The following ILRUN variants were observed in gnomAD, a reference collection of about 807,000 sequenced individuals.
ILRUN encodes inflammation and lipid regulator with UBA-like and NBR1-like domains.
In ILRUN, 3 loss-of-function variants were observed where a neutral mutation model predicts 33.8. The observed-to-expected ratio is 0.09, with a 90% CI of 0.04 to 0.23. The LOEUF (loss-of-function observed/expected upper bound fraction) is 0.23. Among genes scored for constraint, ILRUN ranks in the 10% least tolerant of loss-of-function variants. ILRUN has a pLI of 1.00. For synonymous variants in ILRUN, 124 were observed against 138.9 expected, an observed-to-expected ratio of 0.89 and a Z score of 0.75; for missense variants, 210 against 375.1, an observed-to-expected ratio of 0.56 and a Z score of 3.64.
intron 1 of ILRUN, among the ~76,000 whole-genome samples, chr6:34,680,979 T>C (rs550716105): frequency 6.6e-6 from 1 of 152,154 alleles, no homozygotes; most frequent in East Asian, 1.9e-4. Flanking sequence ...GGCTTCCCTG[T>C]CACAGTTGCA....
intron 1 of ILRUN, among the ~76,000 whole-genome samples, chr6:34,672,939 G>A (rs1396248605): frequency 6.6e-6 from 1 of 152,164 alleles, no homozygotes; most frequent in Non-Finnish European, 1.5e-5. Flanking sequence ...AAATTTCAGG[G>A]CACTAGGGAC....
At chr6:34,661,588 G>A (rs572134720) in intron 1 of ILRUN, among the ~76,000 whole-genome samples, 2 of 152,116 alleles carry the variant, frequency 1.3e-5, no homozygotes, top group Admixed American at 1.3e-4. Flanking sequence ...CAAACATCTA[G>A]ATAAAACACA....
At chr6:34,628,434 C>G (rs1220704777) in intron 3 of ILRUN, among the ~76,000 whole-genome samples, 2 of 152,144 alleles carry the variant, frequency 1.3e-5, no homozygotes, top group African/African-American at 4.8e-5. Flanking sequence ...CGCCATTCTC[C>G]TGCCTCAGCC....
intron 1 of ILRUN, among the ~76,000 whole-genome samples, chr6:34,679,935 G>T (rs1763324698): frequency 6.6e-6 from 1 of 152,258 alleles, no homozygotes; most frequent in Non-Finnish European, 1.5e-5. Context: ...AAGGGATGCT[G>T]CCCTAGAAAC....
At chr6:34,591,178 A>T (rs980729797) in intron 4 of ILRUN, among the ~76,000 whole-genome samples, 1 of 152,150 alleles carries the variant, frequency 6.6e-6, no homozygotes, top group Non-Finnish European at 1.5e-5. Context: ...TTTACTGCAG[A>T]GAATAAGACT....
At chr6:34,604,291 G>GC (rs535201738) in intron 4 of ILRUN, among the ~76,000 whole-genome samples, 67 of 152,300 alleles carry the variant, frequency 4.4e-4, no homozygotes, top group African/African-American at 1.6e-3. Flanking sequence ...GAAAATACCA[G>GC]CCCACCATTC....
Position 34,588,413 on chromosome 6 carries a change from G to A in ILRUN, c.*2152C>T. The A allele has an allele frequency of 2.5e-6, 1 of 395,692 alleles. No homozygotes were observed. Among genetic ancestry groups the A allele is most frequent in the East Asian group, 3.6e-5 (1 of 27,966 alleles). 24.5% of individuals were successfully genotyped at this position (395,692 alleles called of 1,614,324 possible). A position where few individuals can be genotyped will look rare whatever the true frequency, so the allele number is the denominator to read the frequency against. Reference sequence around the variant, plus strand: ...AGGAAGTCAGGAAAGCAGGGGTTGTGAAGCCTCCCACAATCCTGCCAGGGA... The same window carrying A: ...AGGAAGTCAGGAAAGCAGGGGTTGTAAAGCCTCCCACAATCCTGCCAGGGA... On this transcript the variant is annotated 3_prime_UTR_variant, in exon 5 of 5. Coordinates refer to ENST00000374023, the MANE Select transcript of ILRUN (RefSeq NM_024294.4).
intron 1 of ILRUN, among the ~76,000 whole-genome samples, chr6:34,656,371 C>G (rs6900426): frequency 6.6e-6 from 1 of 151,948 alleles, no homozygotes; most frequent in Admixed American, 6.6e-5. Context: ...AGCCAGAGTT[C>G]CCAACTGAGC....
At chr6:34,690,918 G>A (rs1360010497) in intron 1 of ILRUN, among the ~76,000 whole-genome samples, 2 of 152,118 alleles carry the variant, frequency 1.3e-5, no homozygotes, top group East Asian at 3.9e-4. Flanking sequence ...AGGAAAAGTT[G>A]GAATAAACTA....
chr6:34,657,267 G>A (rs1171752889), intron 1 of ILRUN, among the ~76,000 whole-genome samples: 1 of 152,162 alleles, frequency 6.6e-6, no homozygotes, highest in East Asian at 1.9e-4. Context: ...GTTTTGGAGG[G>A]AAGAAACTAT....
intron 3 of ILRUN, among the ~76,000 whole-genome samples, chr6:34,618,143 G>A (rs1761936997): frequency 6.6e-6 from 1 of 152,104 alleles, no homozygotes. Context: ...TAAAAACCTG[G>A]CTGGGGCTGA....
At chr6:34,629,068 C>T (rs974507018) in intron 3 of ILRUN, among the ~76,000 whole-genome samples, 2 of 152,170 alleles carry the variant, frequency 1.3e-5, no homozygotes, top group African/African-American at 2.4e-5. Context: ...GAGATCACTG[C>T]ATACCAGCCT....
intron 1 of ILRUN, among the ~76,000 whole-genome samples, chr6:34,655,642 A>G (rs1306882610): frequency 6.6e-6 from 1 of 152,184 alleles, no homozygotes; most frequent in Admixed American, 6.5e-5. Flanking sequence ...TAACTCTTCC[A>G]CAAATAAGCT....
At chr6:34,634,620 A>C (rs1762317682) in intron 3 of ILRUN, among the ~76,000 whole-genome samples, 1 of 152,174 alleles carries the variant, frequency 6.6e-6, no homozygotes, top group East Asian at 1.9e-4. Flanking sequence ...AGGGATTATC[A>C]TCAAACATAG....
At chr6:34,671,004 A>C (rs765005570) in intron 1 of ILRUN, among the ~76,000 whole-genome samples, 5 of 152,196 alleles carry the variant, frequency 3.3e-5, no homozygotes, top group Non-Finnish European at 7.3e-5. Flanking sequence ...TTGATCCCTA[A>C]AGCCAACTTT....
chr6:34,641,046 T>C (rs1582070364), intron 3 of ILRUN, among the ~76,000 whole-genome samples: 1 of 127,892 alleles, frequency 7.8e-6, no homozygotes, highest in Non-Finnish European at 1.5e-5. Flanking sequence ...GCCACTGCAC[T>C]CCAGCCTGGG....
At chr6:34,694,747 T>C (rs1562038818) in intron 1 of ILRUN, among the ~76,000 whole-genome samples, 1 of 151,668 alleles carries the variant, frequency 6.6e-6, no homozygotes, top group Non-Finnish European at 1.5e-5. Context: ...CCATCAAAGA[T>C]GATGCACAGA....
intron 1 of ILRUN, among the ~76,000 whole-genome samples, chr6:34,681,936 C>CT (rs1321053732): frequency 2.1e-5 from 3 of 143,502 alleles, no homozygotes; most frequent in African/African-American, 7.6e-5. Flanking sequence ...CACTGCAACT[C>CT]TGCCTCCCAG....
intron 1 of ILRUN, among the ~76,000 whole-genome samples, chr6:34,687,707 A>C (rs1157701589): frequency 4.3e-5 from 6 of 140,908 alleles, no homozygotes; most frequent in Non-Finnish European, 7.6e-5. Flanking sequence ...CCAAAAAAAA[A>C]AATATATATA....
Sources: gnomAD v4.1 joint callset for allele counts (sites outside exome capture counted in the v4.1 genomes callset) on GRCh38, gnomAD v4.1.1 for gene constraint, MANE v1.5 for transcripts, NCBI Gene and HGNC (gene_info 2026-07-23, HGNC 2026-07-21) for gene names.